Variants in CCSER2 observed in about 807,000 individuals in gnomAD.
The protein encoded by CCSER2 is serine-rich coiled-coil domain-containing protein 2.
A neutral mutation model predicts 92.3 loss-of-function variants in CCSER2; 46 were observed. That is an observed-to-expected ratio of 0.50 (90% CI 0.39 to 0.64). The LOEUF is 0.64. Among genes scored for constraint, CCSER2 ranks in the 30% least tolerant of loss-of-function variants. The pLI is 0.00. For synonymous variants in CCSER2, 433 were observed against 431.4 expected, an observed-to-expected ratio of 1.00 and a Z score of -0.04; for missense variants, 1,244 against 1,238.9, an observed-to-expected ratio of 1.00 and a Z score of -0.06.
intron 5 of CCSER2, among the ~76,000 whole-genome samples, chr10:84,436,651 A>AG (rs1844174471): frequency 1.3e-5 from 2 of 151,678 alleles, no homozygotes; most frequent in Non-Finnish European, 2.9e-5. Context: ...AAAAAAAAAA[A>AG]AGGAAGTCAC....
chr10:84,415,221 G>A (rs1417377178), intron 3 of CCSER2, among the ~76,000 whole-genome samples: 4 of 152,172 alleles, frequency 2.6e-5, no homozygotes, highest in Non-Finnish European at 5.9e-5. Flanking sequence ...CAGGAGATGA[G>A]GCACTCTGGC....
intron 6 of CCSER2, among the ~76,000 whole-genome samples, chr10:84,445,064 CTGATTTAGAAATTT>C (rs1423346687): frequency 6.6e-6 from 1 of 152,074 alleles, no homozygotes; most frequent in African/African-American, 2.4e-5. Context: ...AGTTTATTGC[CTGATTTAGAAATTT>C]TGAATAAGAA....
At chr10:84,432,989 C>T (rs1355160425) in intron 5 of CCSER2, among the ~76,000 whole-genome samples, 1 of 152,094 alleles carries the variant, frequency 6.6e-6, no homozygotes, top group African/African-American at 2.4e-5. Context: ...TTTGAATTGC[C>T]TTTGCTCCTT....
chr10:84,469,647 T>A (rs1031752084), intron 7 of CCSER2, among the ~76,000 whole-genome samples: 2 of 152,140 alleles, frequency 1.3e-5, no homozygotes, highest in African/African-American at 4.8e-5. Flanking sequence ...AACTGAATAA[T>A]GAAACACAAA....
At chr10:84,444,491 CAT>C (rs1844786601) in intron 6 of CCSER2, among the ~76,000 whole-genome samples, 1 of 152,124 alleles carries the variant, frequency 6.6e-6, no homozygotes, top group Non-Finnish European at 1.5e-5. Context: ...GCTTCACCCT[CAT>C]AGCTGGAAAG....
In CCSER2 at chr10:84,514,048, T is replaced by C. The variant is rs1302432074; in HGVS notation, c.2925T>C (p.Asn975=). Residue 975 remains asparagine (N), a synonymous_variant, in exon 10 of 10, where the codon AAT becomes AAC. Coordinates refer to ENST00000372088, the MANE Select transcript of CCSER2 (RefSeq NM_001284240.2). ...SSQTNLANNQ[N]LKASKLRPPS... ...AAACAAATCTTGCAAATAATCAGAA[T>C]CTGAAAGCATCTAAGCTCCGCCCCC... The C allele has an allele frequency of 3.3e-6, 5 of 1,536,252 alleles. No individual in the cohort carries two copies. In the Admixed American group the frequency reaches 9.8e-5, roughly 30 times the overall value.
At chr10:84,337,593 C>G (rs1843909846) in intron 1 of CCSER2, among the ~76,000 whole-genome samples, 1 of 152,198 alleles carries the variant, frequency 6.6e-6, no homozygotes, top group South Asian at 2.1e-4. Flanking sequence ...AGCTAAATAA[C>G]AGGGTGGTAG....
chr10:84,405,668 CA>C (rs1424394568), intron 3 of CCSER2, among the ~76,000 whole-genome samples: 1 of 152,098 alleles, frequency 6.6e-6, no homozygotes, highest in Admixed American at 6.5e-5. Flanking sequence ...GACACTTTAT[CA>C]AAAAGGATGT....
At chr10:84,451,231 A>AG (rs199955818) in intron 6 of CCSER2, among the ~76,000 whole-genome samples, 1,750 of 151,108 alleles carry the variant, frequency 0.012, 34 homozygotes, top group African/African-American at 0.04. Context: ...GGCTATAGAA[A>AG]GGTTTTTTTT....
chr10:84,386,979 T>C (rs776178289), intron 3 of CCSER2, among the ~76,000 whole-genome samples: 20 of 152,024 alleles, frequency 1.3e-4, no homozygotes, highest in Non-Finnish European at 2.8e-4. Flanking sequence ...AATTACCTAT[T>C]GGGTACAGTG....
Position 84,470,477 on chromosome 10 carries a change from T to A in CCSER2, c.2235+19T>A. ...TCAGCTTGTAAGTATTGTAGTATAA[T>A]GTATAGAGACTTTTCAAACTGGGTG... On this transcript the variant is annotated intron_variant, in intron 8 of 9. Coordinates refer to ENST00000372088, the MANE Select transcript of CCSER2 (RefSeq NM_001284240.2). 1 of 1,393,330 alleles carries A rather than the reference T, an allele frequency of 7.2e-7. No individual in the cohort carries two copies. The highest frequency in any genetic ancestry group is 9.5e-7 in the Non-Finnish European group (1 of 1,056,654). The allele number at this position is 1,393,330 out of a possible 1,614,324, so 86.3% of individuals were successfully genotyped here.
At chr10:84,381,962 T>C (rs1191167533) in intron 3 of CCSER2, among the ~76,000 whole-genome samples, 8 of 151,718 alleles carry the variant, frequency 5.3e-5, no homozygotes. Context: ...GACAAGACTT[T>C]GCACTCTTTG....
At chr10:84,422,576 C>T (rs561946544) in intron 4 of CCSER2, among the ~76,000 whole-genome samples, 2 of 152,240 alleles carry the variant, frequency 1.3e-5, no homozygotes, top group East Asian at 1.9e-4. Context: ...ATAGTTAGGG[C>T]CCAGTCTCAC....
chr10:84,441,734 ATGTTTTTTTTTTTTTTTTTTTT>A (rs1465189471), intron 6 of CCSER2, among the ~76,000 whole-genome samples: 12 of 106,448 alleles, frequency 1.1e-4, no homozygotes, highest in Admixed American at 4.2e-4. Flanking sequence ...GACTGGGAAA[ATGTTTTTTTTTTTTTTTTTTTT>A]TTTTTTTTTT....
At chr10:84,506,825 A>AAATC (rs1554870295) in intron 9 of CCSER2, among the ~76,000 whole-genome samples, 17 of 151,880 alleles carry the variant, frequency 1.1e-4, no homozygotes, top group Non-Finnish European at 2.2e-4. Flanking sequence ...ATAAATAAAT[A>AAATC]AATCTAACAC....
chr10:84,445,917 A>G (rs970007246), intron 6 of CCSER2, among the ~76,000 whole-genome samples: 2 of 152,080 alleles, frequency 1.3e-5, no homozygotes, highest in African/African-American at 2.4e-5. Flanking sequence ...GTATTCTAGT[A>G]TGTGTCTTTT....
chr10:84,490,160 G>C (rs556679458), intron 9 of CCSER2, among the ~76,000 whole-genome samples: 2 of 152,092 alleles, frequency 1.3e-5, no homozygotes, highest in Admixed American at 6.6e-5. Context: ...TTTCTCTCTG[G>C]CTGCCCTTAA....
At chr10:84,468,803 T>C (rs769218659) in intron 7 of CCSER2, among the ~76,000 whole-genome samples, 1 of 152,100 alleles carries the variant, frequency 6.6e-6, no homozygotes, top group Non-Finnish European at 1.5e-5. Flanking sequence ...TTCCTAGGAG[T>C]AGGATAACTG....
intron 8 of CCSER2, among the ~76,000 whole-genome samples, chr10:84,475,907 A>G (rs1847108726): frequency 6.6e-6 from 1 of 152,054 alleles, no homozygotes; most frequent in African/African-American, 2.4e-5. Flanking sequence ...ATCTCAGCAC[A>G]CTGTGGCCTC....
Sources: allele counts gnomAD v4.1 joint callset (sites outside exome capture counted in the v4.1 genomes callset), GRCh38; gene constraint gnomAD v4.1.1; transcripts MANE v1.5; gene names NCBI Gene and HGNC (gene_info 2026-07-23, HGNC 2026-07-21).